OR4K17: variants seen among roughly 807,000 people sequenced by gnomAD.
The protein encoded by OR4K17 is olfactory receptor 4K17.
For missense variants in OR4K17, 480 were observed against 366.3 expected (o/e 1.31, Z -2.53); for synonymous variants, 157 against 132.8 (o/e 1.18, Z -1.25).
Position 20,118,091 on chromosome 14 carries a change from G to A in OR4K17, c.592G>A (p.Val198Ile), listed in dbSNP as rs576628017. The A allele has an allele frequency of 1.2e-6, 2 of 1,614,024 alleles. No homozygotes were observed. Among genetic ancestry groups the A allele is most frequent in the African/African-American group, 1.3e-5 (1 of 75,028 alleles). ...ACIDIYFVQVVIVANSGIISL... is the reference protein window; with the variant it reads ...ACIDIYFVQVIIVANSGIISL... ...TATAGACATATATTTTGTACAGGTA[G>A]TCATTGTTGCCAACAGTGGCATAAT... The change falls in exon 2 of 2, where the codon GTC (valine) becomes ATC (isoleucine). Residue 198 changes from valine (V) to isoleucine (I), a missense_variant. Transcript: ENST00000641386.
At chr14:20,113,318 A>G (rs1877920682) in intron 1 of OR4K17, among the ~76,000 whole-genome samples, 1 of 152,050 alleles carries the variant, frequency 6.6e-6, no homozygotes, top group African/African-American at 2.4e-5. Context: ...TAATTGTATT[A>G]TCAACAATTA....
Position 20,117,845 on chromosome 14 carries a change from G to A in OR4K17, c.346G>A (p.Val116Ile). 6.2e-7 allele frequency: 1 copy of A among 1,613,954 alleles called. No individual in the cohort carries two copies. Among genetic ancestry groups the A allele is most frequent in the Admixed American group, 1.7e-5 (1 of 59,990 alleles). The change falls in exon 2 of 2, where the codon GTC becomes ATC. Residue 116 changes from valine to isoleucine, a missense_variant. Coordinates refer to ENST00000641386, the MANE Select transcript of OR4K17 (RefSeq NM_001004715.5). ...LLGGVEMVLL[V>I]SMAFDRYVAI... Reference sequence around the variant, plus strand: ...GGGTGGGGTTGAAATGGTACTGTTGGTCTCCATGGCTTTTGACAGATATGT... The same window carrying A: ...GGGTGGGGTTGAAATGGTACTGTTGATCTCCATGGCTTTTGACAGATATGT...
At chr14:20,112,359 G>A (rs1379032292) in intron 1 of OR4K17, among the ~76,000 whole-genome samples, 1 of 151,978 alleles carries the variant, frequency 6.6e-6, no homozygotes, top group East Asian at 1.9e-4. Flanking sequence ...TCCTTAACAA[G>A]GAAAGGGTAC....
rs2139057999 is a variant in OR4K17 at position 20,118,630 on chromosome 14, G to A, written c.*192G>A. 1 of 452,564 alleles carries A rather than the reference G, an allele frequency of 2.2e-6. No homozygotes were observed. The allele number at this position is 452,564 out of a possible 1,614,324, so 28.0% of individuals were successfully genotyped here. On this transcript the variant is annotated 3_prime_UTR_variant, in exon 2 of 2. Transcript: ENST00000641386. Reference sequence around the variant, plus strand: ...GAGAAATTTTAAAGCTGGGTGTCCAGGGGAGACATCACATGTCAGCGGGTT... The same window carrying A: ...GAGAAATTTTAAAGCTGGGTGTCCAAGGGAGACATCACATGTCAGCGGGTT...
chr14:20,117,481 G>C lies in OR4K17; in HGVS notation c.-19G>C, dbSNP rs896923827. 1.2e-6 allele frequency: 2 copies of C among 1,613,066 alleles called. No individual in the cohort carries two copies. The highest frequency in any genetic ancestry group is 2.7e-5 in the African/African-American group (2 of 74,848). On this transcript the variant is annotated 5_prime_UTR_variant, in exon 2 of 2. Coordinates refer to ENST00000641386, the MANE Select transcript of OR4K17 (RefSeq NM_001004715.5). ...TTCTCTCTACAGGTCATCCAAGAGC[G>C]AGCTGTAGGATGGAGGCCATGAAAC...
chr14:20,115,369 A>G (rs1258450243), intron 1 of OR4K17, among the ~76,000 whole-genome samples: 2 of 152,110 alleles, frequency 1.3e-5, no homozygotes, highest in Non-Finnish European at 2.9e-5. Flanking sequence ...TAAATTTTGT[A>G]TGTATATGCT....
At position 20,117,873 on chromosome 14, in the gene OR4K17, C is replaced by T. The variant is rs746768627; in HGVS notation, c.374C>T (p.Ala125Val). The change falls in exon 2 of 2, where the codon GCC (alanine) becomes GTC (valine). Residue 125 changes from alanine (A) to valine (V), a missense_variant. Coordinates refer to ENST00000641386, the MANE Select transcript of OR4K17 (RefSeq NM_001004715.5). Reference protein sequence around the residue: ...LVSMAFDRYVAICKPLHYMTI... With the variant: ...LVSMAFDRYVVICKPLHYMTI... ...TCCATGGCTTTTGACAGATATGTGG[C>T]CATTTGTAAGCCCCTACACTACATG... The T allele has an allele frequency of 1.1e-5, 18 of 1,613,732 alleles. No individual in the cohort carries two copies. Among genetic ancestry groups the T allele is most frequent in the African/African-American group, 4.0e-5 (3 of 74,796 alleles).
intron 1 of OR4K17, among the ~76,000 whole-genome samples, chr14:20,113,583 G>C (rs1877926090): frequency 6.6e-6 from 1 of 151,956 alleles, no homozygotes; most frequent in Non-Finnish European, 1.5e-5. Context: ...TGTATTATTT[G>C]TTAATTTCTG....
Position 20,120,915 on chromosome 14 carries a change from CACA to C in OR4K17, c.*2482_*2484del, listed in dbSNP as rs1244379944. On this transcript the variant is annotated 3_prime_UTR_variant, in exon 2 of 2. Coordinates refer to ENST00000641386, the MANE Select transcript of OR4K17 (RefSeq NM_001004715.5). ...TTTAGCAGCCCTAGCCACCAAAGAC[CACA>C]ACAATTTTTGTCACCACTTCAAACA... 1 of 152,204 alleles carries C rather than the reference CACA, an allele frequency of 6.6e-6. No individual in the cohort carries two copies. The highest frequency in any genetic ancestry group is 1.5e-5 in the Non-Finnish European group (1 of 68,068). The allele number at this position is 152,204 out of a possible 1,614,324, so 9.4% of individuals were successfully genotyped here. A position where few individuals can be genotyped will look rare whatever the true frequency, so the allele number is the denominator to read the frequency against.
chr14:20,121,140 G>A lies in OR4K17; in HGVS notation c.*2702G>A, dbSNP rs917465792. The stretch of plus-strand genomic sequence containing the variant: ...CCAGCCTGTGAAGTCTGGAAGAGAT[G>A]ACTGCTCCAACAAATGCACAGAAAT... On this transcript the variant is annotated 3_prime_UTR_variant, in exon 2 of 2. Transcript: ENST00000641386. The A allele has an allele frequency of 6.6e-6, 1 of 152,222 alleles. No individual in the cohort carries two copies. The allele number at this position is 152,222 out of a possible 1,614,324, so 9.4% of individuals were successfully genotyped here. A position where few individuals can be genotyped will look rare whatever the true frequency, so the allele number is the denominator to read the frequency against.
In OR4K17 at chr14:20,119,448, G is replaced by T. The variant is rs1478713281; in HGVS notation, c.*1010G>T. On this transcript the variant is annotated 3_prime_UTR_variant, in exon 2 of 2. Coordinates refer to ENST00000641386, the MANE Select transcript of OR4K17 (RefSeq NM_001004715.5). ...ATGAAATTTTCACAATTTATGTTCA[G>T]AGATTGTAGTAAAGACAGGCATGAG... The T allele has an allele frequency of 6.6e-6, 1 of 152,240 alleles. No homozygotes were observed. Among genetic ancestry groups the T allele is most frequent in the East Asian group, 1.9e-4 (1 of 5,196 alleles). 9.4% of individuals were successfully genotyped at this position (152,240 alleles called of 1,614,324 possible).
Position 20,118,687 on chromosome 14 carries a change from A to G in OR4K17, c.*249A>G. Reference sequence around the variant, plus strand: ...TGCCCCCCAAGCTGCAAAACCAGCAAGTTTTTATTATGGATTTCAAAAGGG... The same window carrying G: ...TGCCCCCCAAGCTGCAAAACCAGCAGGTTTTTATTATGGATTTCAAAAGGG... On this transcript the variant is annotated 3_prime_UTR_variant, in exon 2 of 2. Transcript: ENST00000641386. 3.2e-6 allele frequency: 1 copy of G among 311,718 alleles called. No individual in the cohort carries two copies. The highest frequency in any genetic ancestry group is 5.9e-6 in the Non-Finnish European group (1 of 168,658). The allele number at this position is 311,718 out of a possible 1,614,324, so 19.3% of individuals were successfully genotyped here. A position where few individuals can be genotyped will look rare whatever the true frequency, so the allele number is the denominator to read the frequency against.
Position 20,117,717 on chromosome 14 carries a change from T to A in OR4K17, c.218T>A (p.Leu73His). The A allele has an allele frequency of 1.9e-6, 3 of 1,614,076 alleles. No individual in the cohort carries two copies. The highest frequency in any genetic ancestry group is 3.3e-4 in the Middle Eastern group (2 of 6,062). ...AATCTCTCTTTTGTAGATATGACCC[T>A]TGCTTCTTTTGCCACCCCTAAGGTG... ...LGNLSFVDMT[L>H]ASFATPKVIL... is the part of the protein sequence containing the mutation. Residue 73 changes from leucine to histidine, a missense_variant, in exon 2 of 2, where the codon CTT becomes CAT. Leu to His is a moderately conservative substitution (Grantham distance 99). Coordinates refer to ENST00000641386, the MANE Select transcript of OR4K17 (RefSeq NM_001004715.5).
chr14:20,116,912 G>GA (rs973025062), intron 1 of OR4K17, among the ~76,000 whole-genome samples: 31 of 152,132 alleles, frequency 2.0e-4, no homozygotes, highest in African/African-American at 7.5e-4. Flanking sequence ...AGATAAGGAG[G>GA]AAAAACACAG....
chr14:20,121,922 A>G lies in OR4K17; in HGVS notation c.*3484A>G, dbSNP rs1401407879. The G allele has an allele frequency of 6.6e-6, 1 of 152,152 alleles. No homozygotes were observed. The highest frequency in any genetic ancestry group is 1.5e-5 in the Non-Finnish European group (1 of 67,984). The allele number at this position is 152,152 out of a possible 1,614,324, so 9.4% of individuals were successfully genotyped here. A position where few individuals can be genotyped will look rare whatever the true frequency, so the allele number is the denominator to read the frequency against. On this transcript the variant is annotated 3_prime_UTR_variant, in exon 2 of 2. Coordinates refer to ENST00000641386, the MANE Select transcript of OR4K17 (RefSeq NM_001004715.5). ...AAATTTTAAAACAAGTATAACAACT[A>G]TTTACATTTTATTTGATATTATAAG...
intron 1 of OR4K17, among the ~76,000 whole-genome samples, chr14:20,117,138 A>T (rs775550501): frequency 7.9e-5 from 12 of 152,190 alleles, no homozygotes; most frequent in Non-Finnish European, 1.2e-4. Context: ...TTCTCCAAGG[A>T]ATTCAGACTA....
At chr14:20,112,718 TCGAG>T (rs1238134271) in intron 1 of OR4K17, among the ~76,000 whole-genome samples, 3 of 152,038 alleles carry the variant, frequency 2.0e-5, no homozygotes, top group Admixed American at 2.0e-4. Context: ...AATACATCTG[TCGAG>T]GTGAGACACG....
At chr14:20,112,763 G>A (rs750627312) in intron 1 of OR4K17, among the ~76,000 whole-genome samples, 13 of 152,100 alleles carry the variant, frequency 8.5e-5, no homozygotes, top group South Asian at 2.1e-4. Flanking sequence ...TTGTTGTTCC[G>A]GAGTGAGAAT....
chr14:20,115,177 A>T (rs1877959562), intron 1 of OR4K17, among the ~76,000 whole-genome samples: 1 of 152,068 alleles, frequency 6.6e-6, no homozygotes. Context: ...TTGTTTACAG[A>T]CATCTTCTGA....
Sources: gnomAD v4.1 joint callset for allele counts (sites outside exome capture counted in the v4.1 genomes callset) on GRCh38, gnomAD v4.1.1 for gene constraint, MANE v1.5 for transcripts, NCBI Gene and HGNC (gene_info 2026-07-23, HGNC 2026-07-21) for gene names.